CHRNA3: variants seen among roughly 807,000 people sequenced by gnomAD.
The protein encoded by CHRNA3 is neuronal acetylcholine receptor subunit alpha-3.
CHRNA3 carries 34 observed loss-of-function variants against 41.9 expected under a neutral mutation model. The observed-to-expected ratio is 0.81, with a 90% CI of 0.62 to 1.08. The LOEUF is 1.08. Among genes scored for constraint, CHRNA3 ranks in the 50% least tolerant of loss-of-function variants. The pLI, the probability that CHRNA3 is intolerant of heterozygous loss-of-function variation, is 0.00. For missense variants in CHRNA3, 542 were observed against 638.3 expected (o/e 0.85, Z 1.63); for synonymous variants, 281 against 265.2 (o/e 1.06, Z -0.58).
At chr15:78,617,254 C>T (rs1453223586) in intron 3 of CHRNA3, 121 bp from the exon 4 acceptor site, 3 of 655,040 alleles carry the variant, frequency 4.6e-6, no homozygotes, top group Non-Finnish European at 8.2e-6. Flanking sequence ...GAACCACATC[C>T]ATGCCATGAT....
In CHRNA3 at chr15:78,611,825, T is replaced by C. The variant is rs528034332; in HGVS notation, c.377+5199A>G. Among the ~76,000 whole-genome samples the C allele has an allele frequency of 3.9e-3, 593 of 151,996 alleles. 9 individuals are homozygous for C. Among genetic ancestry groups the C allele is most frequent in the African/African-American group, 0.013 (559 of 41,436 alleles). ...TGATTGTATATCTAGAAAACCCCAT[T>C]GTCTCAGCCCAAAATCTCCTTAAGC... On this transcript the variant is annotated intron_variant, in intron 4 of 5. Transcript: ENST00000326828.
chr15:78,595,150 C>T (rs1277476648), downstream of CHRNA3: 1 of 272,318 alleles, frequency 3.7e-6, no homozygotes, highest in Non-Finnish European at 5.6e-6. Flanking sequence ...TGAGTGAAAG[C>T]CTGGTGTGAT....
intron 4 of CHRNA3, among the ~76,000 whole-genome samples, chr15:78,614,241 CT>C (rs2053429105): frequency 6.6e-6 from 1 of 152,304 alleles, no homozygotes; most frequent in African/African-American, 2.4e-5. Flanking sequence ...GAAGATTAAA[CT>C]TTTTGCTCAT....
In CHRNA3 at chr15:78,619,085, G is replaced by T. The variant is rs1273725554; in HGVS notation, c.83-170C>A. ...CCAGTGGGTTACAAAATGGGAAACT[G>T]AGGCCCAAGAGGGGCAGGATTCTAC... On this transcript the variant is annotated intron_variant, in intron 1 of 5. Coordinates refer to ENST00000326828, the MANE Select transcript of CHRNA3 (RefSeq NM_000743.5). 3 of 712,830 alleles carry T rather than the reference G, an allele frequency of 4.2e-6. No individual in the cohort carries two copies. In the East Asian group the frequency reaches 8.1e-5, roughly 19 times the overall value. The allele number at this position is 712,830 out of a possible 1,614,324, so 44.2% of individuals were successfully genotyped here. A position where few individuals can be genotyped will look rare whatever the true frequency, so the allele number is the denominator to read the frequency against.
At position 78,601,684 on chromosome 15, in the gene CHRNA3, C is replaced by T. The variant is rs142201786; in HGVS notation, c.958G>A (p.Val320Ile). 1.2e-5 allele frequency: 19 copies of T among 1,614,044 alleles called. No individual in the cohort carries two copies. The highest frequency in any genetic ancestry group is 1.6e-4 in the Middle Eastern group (1 of 6,062). Reference sequence around the variant, plus strand: ...ACGTTGAGCACGAAGACGGTGATGACGATGGACAAGGTTACAAAAATCATG... The same window carrying T: ...ACGTTGAGCACGAAGACGGTGATGATGATGGACAAGGTTACAAAAATCATG... ...FTMIFVTLSI[V>I]ITVFVLNVHY... The change falls in exon 5 of 6, where the codon GTC becomes ATC. Residue 320 changes from valine (V) to isoleucine (I), a missense_variant. Val to Ile is a conservative substitution (Grantham distance 29). Coordinates refer to ENST00000326828, the MANE Select transcript of CHRNA3 (RefSeq NM_000743.5).
intron 4 of CHRNA3, among the ~76,000 whole-genome samples, chr15:78,616,301 C>T (rs997788687): frequency 5.9e-5 from 9 of 151,498 alleles, no homozygotes; most frequent in East Asian, 2.0e-4. Context: ...TGCTGTGAGC[C>T]GAGATCCCAC....
intron 1 of CHRNA3, chr15:78,620,403 G>T: frequency 2.6e-6 from 1 of 385,930 alleles, no homozygotes; most frequent in Non-Finnish European, 4.5e-6. Context: ...GCGGGGACGC[G>T]AATCCCCAAC....
At chr15:78,616,915 C>T in intron 4 of CHRNA3, 109 bp downstream of exon 4, 1 of 666,514 alleles carries the variant, frequency 1.5e-6, no homozygotes. Context: ...CAAATGAATG[C>T]AGCCTTCTTG....
At chr15:78,606,998 C>T (rs753639787) in intron 4 of CHRNA3, among the ~76,000 whole-genome samples, 1 of 150,946 alleles carries the variant, frequency 6.6e-6, no homozygotes, top group Non-Finnish European at 1.5e-5. Context: ...AAGGCTGAGG[C>T]GGGCAGATCA....
Position 78,596,543 on chromosome 15 carries a change from G to C in CHRNA3, c.*61C>G. On this transcript the variant is annotated 3_prime_UTR_variant, in exon 6 of 6. Transcript: ENST00000326828. The stretch of plus-strand genomic sequence containing the variant: ...ATAACAGAAAGTACGTTCTTACTAG[G>C]AAGCAGCCTCCTCCTGCCCTGACAC... 2 of 1,388,320 alleles carry C rather than the reference G, an allele frequency of 1.4e-6. No homozygotes were observed. Among genetic ancestry groups the C allele is most frequent in the South Asian group, 4.1e-5 (2 of 49,026 alleles). 86.0% of individuals were successfully genotyped at this position (1,388,320 alleles called of 1,614,324 possible).
At chr15:78,617,300 G>A (rs910487801) in intron 3 of CHRNA3, among the ~76,000 whole-genome samples, 167 bp from the exon 4 acceptor site, 12 of 152,124 alleles carry the variant, frequency 7.9e-5, no homozygotes, top group Non-Finnish European at 2.9e-5. Flanking sequence ...TGTAGTGCAG[G>A]AGAGAGCACA....
chr15:78,609,037 G>A (rs1233500159), intron 4 of CHRNA3, among the ~76,000 whole-genome samples: 3 of 151,996 alleles, frequency 2.0e-5, no homozygotes, highest in Non-Finnish European at 4.4e-5. Flanking sequence ...AGAGAAAAAA[G>A]AATAGAAATG....
At position 78,618,644 on chromosome 15, in the gene CHRNA3, GA is replaced by G; in HGVS notation, c.239del (p.Ile80ThrfsTer17). On this transcript the variant is annotated frameshift_variant, in exon 3 of 6. Transcript: ENST00000326828. LOFTEE classifies it high-confidence loss of function. ...QLVKVDEVNQ[I>X]METNLWLKQI... ...GCTTGAGCCACAGGTTGGTCTCCAT[GA>G]TCTGGTTTACTTCATCCTAGAAAGA... 1 of 1,614,148 alleles carries G rather than the reference GA, an allele frequency of 6.2e-7. No individual in the cohort carries two copies. The highest frequency in any genetic ancestry group is 8.5e-7 in the Non-Finnish European group (1 of 1,180,032).
At chr15:78,617,314 C>G (rs2053478804) in intron 3 of CHRNA3, among the ~76,000 whole-genome samples, 181 bp from the exon 4 acceptor site, 1 of 152,150 alleles carries the variant, frequency 6.6e-6, no homozygotes, top group South Asian at 2.1e-4. Context: ...GAGCACACGG[C>G]TGGCTCTGCG....
Position 78,601,487 on chromosome 15 carries a change from G to A in CHRNA3, c.1155C>T (p.Arg385=), listed in dbSNP as rs201168374. The change falls in exon 5 of 6, where the codon CGC becomes CGT. Residue 385 remains arginine (R), a synonymous_variant. Transcript: ENST00000326828. ...CCTCCTTGCAGCCTTTGGACTCTGC[G>A]CGGCTGAAGCAATTCAGATTTGAGA... ...AELSNLNCFS[R]AESKGCKEGY... is the part of the protein sequence containing the mutation. 141 of 1,614,032 alleles carry A rather than the reference G, an allele frequency of 8.7e-5. No individual in the cohort carries two copies. The highest frequency in any genetic ancestry group is 1.1e-4 in the Non-Finnish European group (133 of 1,180,044).
At chr15:78,620,328 G>T (rs1398738497) in intron 1 of CHRNA3, 2 of 219,454 alleles carry the variant, frequency 9.1e-6, no homozygotes, top group East Asian at 2.4e-4. Context: ...GGATGCAGAC[G>T]GTGGAGCGGG....
intron 4 of CHRNA3, among the ~76,000 whole-genome samples, chr15:78,605,589 G>A (rs537215444): frequency 1.3e-3 from 193 of 152,244 alleles, no homozygotes; most frequent in African/African-American, 4.4e-3. Flanking sequence ...CCAATTTGTG[G>A]GCAAGAACCA....
chr15:78,613,764 AC>A (rs563516036), intron 4 of CHRNA3, among the ~76,000 whole-genome samples: 3,529 of 83,086 alleles, frequency 0.042, 177 homozygotes, highest in East Asian at 0.33. Context: ...TGGCAAACAA[AC>A]AAAAAAAAAA....
intron 4 of CHRNA3, among the ~76,000 whole-genome samples, chr15:78,609,661 C>G (rs1392686846): frequency 2.6e-5 from 4 of 152,190 alleles, no homozygotes; most frequent in African/African-American, 9.7e-5. Context: ...TAGGAAGAAA[C>G]TGCATCAACT....
Sources: gnomAD v4.1 joint callset for allele counts (sites outside exome capture counted in the v4.1 genomes callset) on GRCh38, gnomAD v4.1.1 for gene constraint, MANE v1.5 for transcripts, NCBI Gene and HGNC (gene_info 2026-07-23, HGNC 2026-07-21) for gene names.